Variants in LMBR1 observed in about 807,000 individuals in gnomAD.
LMBR1 encodes limb development membrane protein 1, also known as limb region 1 protein homolog.
Under a neutral mutation model 73.9 loss-of-function variants are expected in LMBR1, and 52 were observed. The observed-to-expected ratio is 0.70, with a 90% confidence interval of 0.56 to 0.89. The LOEUF (loss-of-function observed/expected upper bound fraction) is 0.89, where lower values mean the gene tolerates loss of function less well. LMBR1 is among the 40% of genes least tolerant of loss of function. The pLI, the probability that LMBR1 is intolerant of heterozygous loss-of-function variation, is 0.00. For synonymous variants in LMBR1, 215 were observed against 209.4 expected, an observed-to-expected ratio of 1.03 and a Z score of -0.23; for missense variants, 539 against 579.8, an observed-to-expected ratio of 0.93 and a Z score of 0.72.
chr7:156,848,946 A>G (rs1795877404), intron 1 of LMBR1, among the ~76,000 whole-genome samples: 1 of 149,552 alleles, frequency 6.7e-6, no homozygotes, highest in African/African-American at 2.5e-5. Context: ...AAAAAAAAAA[A>G]GCAAAACAAA....
chr7:156,766,719 G>C (rs1221598298), intron 5 of LMBR1, among the ~76,000 whole-genome samples: 2 of 152,088 alleles, frequency 1.3e-5, no homozygotes, highest in Non-Finnish European at 2.9e-5. Context: ...GGAGGAGCAG[G>C]GACCCCAAGC....
chr7:156,739,494 G>A (rs1818503346), intron 9 of LMBR1, among the ~76,000 whole-genome samples: 1 of 152,148 alleles, frequency 6.6e-6, no homozygotes, highest in Admixed American at 6.5e-5. Context: ...TGAGTGAGAC[G>A]TAGTGCCGTG....
chr7:156,862,441 G>A (rs1484005370), intron 1 of LMBR1, among the ~76,000 whole-genome samples: 1 of 150,930 alleles, frequency 6.6e-6, no homozygotes, highest in African/African-American at 2.4e-5. Flanking sequence ...CGATATTGTG[G>A]ATCATACACC....
intron 5 of LMBR1, among the ~76,000 whole-genome samples, chr7:156,784,211 C>G (rs1827680905): frequency 6.6e-6 from 1 of 152,122 alleles, no homozygotes; most frequent in African/African-American, 2.4e-5. Context: ...TTGAGTAATA[C>G]ACCGAGTTTG....
At chr7:156,738,209 C>T (rs375035241) in intron 9 of LMBR1, among the ~76,000 whole-genome samples, 23 of 152,090 alleles carry the variant, frequency 1.5e-4, no homozygotes, top group African/African-American at 5.6e-4. Context: ...CATAGAATTG[C>T]ACCAATGCTG....
chr7:156,839,119 G>A (rs1187745702), intron 1 of LMBR1, among the ~76,000 whole-genome samples: 1 of 134,128 alleles, frequency 7.5e-6, no homozygotes, highest in Non-Finnish European at 1.5e-5. Flanking sequence ...GCGCGATCTT[G>A]GCTCATTGCA....
At chr7:156,870,773 C>T (rs1799169632) in intron 1 of LMBR1, among the ~76,000 whole-genome samples, 2 of 149,928 alleles carry the variant, frequency 1.3e-5, no homozygotes, top group Non-Finnish European at 3.0e-5. Flanking sequence ...AAAAAAAAAT[C>T]TCAAGACAAA....
At chr7:156,883,413 A>G (rs1801401204) in intron 1 of LMBR1, among the ~76,000 whole-genome samples, 1 of 152,082 alleles carries the variant, frequency 6.6e-6, no homozygotes, top group South Asian at 2.1e-4. Flanking sequence ...AAAAAAAAGG[A>G]GGACAGAATA....
intron 1 of LMBR1, among the ~76,000 whole-genome samples, chr7:156,866,414 T>A (rs1015029412): frequency 6.6e-6 from 1 of 151,636 alleles, no homozygotes; most frequent in African/African-American, 2.4e-5. Flanking sequence ...CAGTTGTAGA[T>A]GCTGGTGCTA....
chr7:156,887,727 G>A (rs1250778873), intron 1 of LMBR1, among the ~76,000 whole-genome samples: 3 of 152,064 alleles, frequency 2.0e-5, no homozygotes, highest in East Asian at 1.9e-4. Flanking sequence ...GAGTAAAAAG[G>A]CAACCCTACA....
At chr7:156,714,861 T>C (rs1398572684) in intron 15 of LMBR1, among the ~76,000 whole-genome samples, 2 of 152,100 alleles carry the variant, frequency 1.3e-5, no homozygotes, top group East Asian at 3.9e-4. Flanking sequence ...AATTAGGCCC[T>C]GGCATTAGAC....
At chr7:156,716,956 A>T (rs1398215665) in intron 15 of LMBR1, among the ~76,000 whole-genome samples, 1 of 151,960 alleles carries the variant, frequency 6.6e-6, no homozygotes. Context: ...CAGGTAGTAG[A>T]GTGAGACCCC....
intron 15 of LMBR1, among the ~76,000 whole-genome samples, chr7:156,689,252 G>A (rs773615648): frequency 6.6e-6 from 1 of 151,820 alleles, no homozygotes; most frequent in Non-Finnish European, 1.5e-5. Flanking sequence ...CATTCTTCAA[G>A]GAAAAAAGGA....
At chr7:156,813,789 G>A (rs1232515649) in intron 4 of LMBR1, among the ~76,000 whole-genome samples, 2 of 152,030 alleles carry the variant, frequency 1.3e-5, no homozygotes, top group African/African-American at 4.8e-5. Context: ...GCCTCACTTT[G>A]GTTAAGTTCC....
chr7:156,707,874 T>C (rs1432128616), intron 15 of LMBR1, among the ~76,000 whole-genome samples: 4 of 151,980 alleles, frequency 2.6e-5, no homozygotes, highest in Admixed American at 6.6e-5. Flanking sequence ...GGCACCCAAA[T>C]TGGTAAAGAG....
intron 5 of LMBR1, among the ~76,000 whole-genome samples, chr7:156,786,261 GGGAAGGGAAGGAGGGAA>G (rs1346132875): frequency 5.0e-5 from 7 of 141,010 alleles, no homozygotes; most frequent in Non-Finnish European, 7.7e-5. Context: ...GAAGGAGGAA[GGGAAGGGAAGGAGGGAA>G]GGAAGGAAGG....
intron 9 of LMBR1, among the ~76,000 whole-genome samples, chr7:156,736,060 T>G (rs1817803757): frequency 6.6e-6 from 1 of 152,126 alleles, no homozygotes; most frequent in African/African-American, 2.4e-5. Context: ...GATGACTCAG[T>G]CCCGAGTACT....
At chr7:156,826,004 A>G (rs1311588248) in intron 4 of LMBR1, among the ~76,000 whole-genome samples, 4 of 152,202 alleles carry the variant, frequency 2.6e-5, no homozygotes, top group Non-Finnish European at 4.4e-5. Context: ...TTTGAGATGG[A>G]GTTTCACTCT....
At chr7:156,783,575 T>G (rs1246979418) in intron 5 of LMBR1, among the ~76,000 whole-genome samples, 1 of 152,266 alleles carries the variant, frequency 6.6e-6, no homozygotes, top group Non-Finnish European at 1.5e-5. Flanking sequence ...TAGGCTGTCT[T>G]GCTATTATAA....
Sources: allele counts gnomAD v4.1 joint callset (sites outside exome capture counted in the v4.1 genomes callset), GRCh38; gene constraint gnomAD v4.1.1; transcripts MANE v1.5; gene names NCBI Gene and HGNC (gene_info 2026-07-23, HGNC 2026-07-21).